Variants in SFXN5 observed in about 807,000 individuals in gnomAD.
SFXN5 encodes sideroflexin 5, also known as sideroflexin-5.
SFXN5 carries 43 observed loss-of-function variants against 50.2 expected under a neutral mutation model. The ratio of observed to expected loss-of-function variants is 0.86; its 90% CI spans 0.67 to 1.11. SFXN5 has a LOEUF of 1.11. Ranked by LOEUF, SFXN5 falls within the 50% of genes least tolerant of loss-of-function variation. The probability of loss-of-function intolerance (pLI) is 0.00; values close to 1 mark genes in which losing one functional copy is unlikely to be tolerated. For synonymous variants in SFXN5, 203 were observed against 185.8 expected, an observed-to-expected ratio of 1.09 and a Z score of -0.75; for missense variants, 463 against 454.1, an observed-to-expected ratio of 1.02 and a Z score of -0.18.
chr2:72,982,199 T>C lies in SFXN5; in HGVS notation c.625+6059A>G, dbSNP rs78091934. On this transcript the variant is annotated intron_variant, in intron 10 of 13. Coordinates refer to ENST00000272433, the MANE Select transcript of SFXN5 (RefSeq NM_144579.3). ...TTGCTTAGAGATACTAGTATCCATT[T>C]TATAGACGGGGCCATAATGGCCTGG... Among the ~76,000 whole-genome samples the C allele has an allele frequency of 8.9e-3, 1,353 of 152,290 alleles. 8 individuals carry two copies. The highest frequency in any genetic ancestry group is 0.014 in the Non-Finnish European group (926 of 68,024).
chr2:72,948,908 A>G (rs1031769244), intron 13 of SFXN5, among the ~76,000 whole-genome samples: 2 of 152,036 alleles, frequency 1.3e-5, no homozygotes, highest in Non-Finnish European at 2.9e-5. Context: ...GGACAAGACC[A>G]ACTCATGCCC....
chr2:73,065,666 G>C (rs1322361676), intron 1 of SFXN5, among the ~76,000 whole-genome samples: 2 of 152,206 alleles, frequency 1.3e-5, no homozygotes, highest in Admixed American at 6.5e-5. Flanking sequence ...CAGAGTGCTG[G>C]GATTACAGGC....
intron 11 of SFXN5, among the ~76,000 whole-genome samples, chr2:72,970,112 G>A (rs1314506528): frequency 2.0e-5 from 3 of 152,204 alleles, no homozygotes; most frequent in African/African-American, 7.2e-5. Flanking sequence ...GTGTGACACT[G>A]ACAGGAGTTA....
chr2:72,957,107 T>C (rs548417823), intron 13 of SFXN5: 2 of 456,486 alleles, frequency 4.4e-6, no homozygotes, highest in Admixed American at 4.7e-5. Flanking sequence ...CTTCCTCCTA[T>C]AGTGGACCAC....
At chr2:73,015,110 C>G (rs766098706) in intron 6 of SFXN5, among the ~76,000 whole-genome samples, 3 of 152,188 alleles carry the variant, frequency 2.0e-5, no homozygotes, top group Non-Finnish European at 4.4e-5. Flanking sequence ...TAGACACTAT[C>G]AAGTTAAGAA....
At chr2:72,985,112 T>C (rs1266427569) in intron 10 of SFXN5, among the ~76,000 whole-genome samples, 1 of 152,136 alleles carries the variant, frequency 6.6e-6, no homozygotes, top group Non-Finnish European at 1.5e-5. Context: ...AGCTTAAATA[T>C]GATCACTGCC....
chr2:73,066,872 A>AAAAC (rs1228431400), intron 1 of SFXN5, among the ~76,000 whole-genome samples: 1 of 152,050 alleles, frequency 6.6e-6, no homozygotes, highest in South Asian at 2.1e-4. Flanking sequence ...AAACAGAAAG[A>AAAAC]AAACAAACAA....
chr2:73,028,655 T>C (rs1040961587), intron 3 of SFXN5, among the ~76,000 whole-genome samples: 1 of 152,214 alleles, frequency 6.6e-6, no homozygotes, highest in Non-Finnish European at 1.5e-5. Context: ...ATTTCTATTT[T>C]GTATTGAGTC....
chr2:72,951,972 A>G (rs1482279627), intron 13 of SFXN5, among the ~76,000 whole-genome samples: 5 of 152,046 alleles, frequency 3.3e-5, no homozygotes, highest in African/African-American at 1.2e-4. Flanking sequence ...GTTCCGACAC[A>G]CACACATCCA....
Position 72,992,766 on chromosome 2 carries a change from C to T in SFXN5, c.535-4418G>A, listed in dbSNP as rs1013838861. On this transcript the variant is annotated intron_variant, in intron 9 of 13. Transcript: ENST00000272433. This position sits in a 1 kb window ranked among gnomAD's most constrained non-coding sequence, Gnocchi z 4.5. Reference sequence around the variant, plus strand: ...CCAGGCCCCCTGTTTCCACTCTTGCCCCCATCCATCTGCTCTCTACAGCAG... The same window carrying T: ...CCAGGCCCCCTGTTTCCACTCTTGCTCCCATCCATCTGCTCTCTACAGCAG... Among the ~76,000 whole-genome samples the T allele has an allele frequency of 2.6e-5, 4 of 152,342 alleles. 1 individual carries two copies. In the East Asian group the frequency reaches 7.7e-4, roughly 29 times the overall value.
At chr2:73,071,476 C>A (rs187477909) in intron 1 of SFXN5, 128 bp downstream of exon 1, 28 of 796,402 alleles carry the variant, frequency 3.5e-5, no homozygotes, top group Middle Eastern at 3.7e-4. Context: ...AGGTTCCCCC[C>A]CTGGCGCTAG....
At chr2:73,014,045 T>C (rs1229825412) in intron 6 of SFXN5, among the ~76,000 whole-genome samples, 1 of 152,168 alleles carries the variant, frequency 6.6e-6, no homozygotes, top group Non-Finnish European at 1.5e-5. Context: ...TTCAACATTG[T>C]TTTTGAGATT....
intron 13 of SFXN5, among the ~76,000 whole-genome samples, chr2:72,946,885 C>A (rs553994668): frequency 6.6e-6 from 1 of 152,318 alleles, no homozygotes. Flanking sequence ...CAGACTCCCG[C>A]GCCACCCTGC....
intron 12 of SFXN5, among the ~76,000 whole-genome samples, chr2:72,962,487 C>T (rs1308264260): frequency 6.6e-6 from 1 of 152,212 alleles, no homozygotes; most frequent in Non-Finnish European, 1.5e-5. Context: ...GTTAAAAATG[C>T]AAATGCCCAA....
At chr2:73,067,038 A>C (rs2106070740) in intron 1 of SFXN5, among the ~76,000 whole-genome samples, 1 of 144,936 alleles carries the variant, frequency 6.9e-6, no homozygotes. Context: ...GACAGACAGA[A>C]ACCCTGTCTC....
chr2:72,989,048 T>G (rs919512950), intron 9 of SFXN5, among the ~76,000 whole-genome samples: 1 of 152,210 alleles, frequency 6.6e-6, no homozygotes, highest in Non-Finnish European at 1.5e-5. Context: ...CTTTCTCATG[T>G]GTGCCACACC....
At chr2:72,968,665 G>A (rs1034578873) in intron 11 of SFXN5, 132 bp from the exon 12 acceptor site, 4 of 673,854 alleles carry the variant, frequency 5.9e-6, no homozygotes, top group Non-Finnish European at 7.0e-6. Flanking sequence ...GGATTGCTCA[G>A]GAAGCTGCAT....
At chr2:72,993,489 G>C (rs2105621987) in intron 9 of SFXN5, among the ~76,000 whole-genome samples, 1 of 152,314 alleles carries the variant, frequency 6.6e-6, no homozygotes, top group South Asian at 2.1e-4. Context: ...CCTGAACCAT[G>C]CCCCACAAGG....
chr2:73,002,681 A>G (rs1177649573), intron 6 of SFXN5, among the ~76,000 whole-genome samples: 1 of 148,910 alleles, frequency 6.7e-6, no homozygotes, highest in African/African-American at 2.6e-5. Flanking sequence ...CAGCTAACAC[A>G]CACACACACA....
Sources: allele counts gnomAD v4.1 joint callset (sites outside exome capture counted in the v4.1 genomes callset), GRCh38; gene constraint gnomAD v4.1.1; non-coding constraint Gnocchi (gnomAD v3.1); transcripts MANE v1.5; gene names NCBI Gene and HGNC (gene_info 2026-07-23, HGNC 2026-07-21).